The following ATM variants were observed in gnomAD, a reference collection of about 807,000 sequenced individuals.
ATM encodes serine-protein kinase ATM.
ATM carries 308 observed loss-of-function variants against 387.0 expected under a neutral mutation model. That is an observed-to-expected ratio of 0.80 (90% CI 0.73 to 0.87). ATM has a LOEUF of 0.87. ATM is among the 40% of genes least tolerant of loss of function. The pLI is 0.00. For synonymous variants in ATM, 1,156 were observed against 1,187.3 expected, an observed-to-expected ratio of 0.97 and a Z score of 0.54; for missense variants, 3,312 against 3,560.9, an observed-to-expected ratio of 0.93 and a Z score of 1.78.
intron 22 of ATM, among the ~76,000 whole-genome samples, chr11:108,273,363 T>G (rs28688500): frequency 7.0e-6 from 1 of 142,914 alleles, no homozygotes; most frequent in Non-Finnish European, 1.5e-5. Flanking sequence ...TTTTTTGAGA[T>G]GGAGTTTCGC....
rs761333794 is a variant in ATM at position 108,271,298 on chromosome 11, T to C, written c.2969T>C (p.Ile990Thr). 1 of 1,613,942 alleles carries C rather than the reference T, an allele frequency of 6.2e-7. No homozygotes were observed. Among genetic ancestry groups the C allele is most frequent in the South Asian group, 1.1e-5 (1 of 91,084 alleles). Residue 990 changes from isoleucine to threonine, a missense_variant, in exon 20 of 63, where the codon ATT becomes ACT. Physicochemically the swap from Ile to Thr is moderately conservative, Grantham distance 89. Coordinates refer to ENST00000675843, the MANE Select transcript of ATM (RefSeq NM_000051.4). Reference sequence around the variant, plus strand: ...CGTGACCAAGATGTTTGTAAAACTATTTTAAACCATGTCCTTCATGTAGTG... The same window carrying C: ...CGTGACCAAGATGTTTGTAAAACTACTTTAAACCATGTCCTTCATGTAGTG... ...YRRDQDVCKT[I>T]LNHVLHVVKN...
chr11:108,227,511 T>C, intron 1 of ATM, 84 bp from the exon 2 acceptor site: 1 of 842,062 alleles, frequency 1.2e-6, no homozygotes, highest in Non-Finnish European at 2.0e-6. Flanking sequence ...AAAATAATTA[T>C]ATACACATTT....
intron 18 of ATM, 122 bp from the exon 19 acceptor site, chr11:108,270,942 C>A: frequency 1.3e-6 from 1 of 788,272 alleles, no homozygotes; most frequent in Non-Finnish European, 2.2e-6. Context: ...GATCTGCCTG[C>A]TTCAGCCTCC....
At chr11:108,259,654 C>T (rs528333793) in intron 16 of ATM, among the ~76,000 whole-genome samples, 2 of 152,204 alleles carry the variant, frequency 1.3e-5, no homozygotes, top group African/African-American at 2.4e-5. Context: ...CATCCAGGCT[C>T]ACAGCTATAT....
intron 22 of ATM, 40 bp from the exon 23 acceptor site, chr11:108,279,451 A>G (rs1467989379): frequency 7.0e-7 from 1 of 1,423,404 alleles, no homozygotes; most frequent in Non-Finnish European, 9.7e-7. Flanking sequence ...TTAGAAAATT[A>G]TTTCACTTTT....
chr11:108,359,961 G>A (rs2090505287), intron 61 of ATM, among the ~76,000 whole-genome samples: 1 of 151,812 alleles, frequency 6.6e-6, no homozygotes, highest in South Asian at 2.1e-4. Flanking sequence ...CAGAACTGAA[G>A]GAAATAGAGA....
intron 34 of ATM, among the ~76,000 whole-genome samples, chr11:108,301,065 G>A (rs1029485961): frequency 6.6e-6 from 1 of 151,782 alleles, no homozygotes; most frequent in Non-Finnish European, 1.5e-5. Context: ...CACTCAGCCA[G>A]TTCATCTCAT....
In ATM at chr11:108,330,373, C is replaced by T. The variant is rs767846264; in HGVS notation, c.7467C>T (p.Ser2489=). 2 of 1,614,112 alleles carry T rather than the reference C, an allele frequency of 1.2e-6. No homozygotes were observed. The highest frequency in any genetic ancestry group is 4.5e-5 in the East Asian group (2 of 44,876). The change falls in exon 50 of 63, where the codon TCC becomes TCT. Residue 2489 remains serine, a synonymous_variant. Coordinates refer to ENST00000675843, the MANE Select transcript of ATM (RefSeq NM_000051.4). ...EHDMWVFRLC[S]LWLENSGVSE... is the part of the protein sequence containing the mutation. The stretch of plus-strand genomic sequence containing the variant: ...ATATGTGGGTATTCCGACTTTGTTC[C>T]CTCTGGCTTGAAAATTCTGGAGTTT...
rs913977745 is a variant in ATM, at chr11:108,347,820, A to G, written c.8671+455A>G. Among the ~76,000 whole-genome samples the G allele has an allele frequency of 2.0e-5, 3 of 152,282 alleles. No homozygotes were observed. In the East Asian group the frequency reaches 5.8e-4, roughly 29 times the overall value. Reference sequence around the variant, plus strand: ...TAAGGAGTTTCAACTTCATTGCATTAAACTATAGGAAATAAATGAAGGACA... The same window carrying G: ...TAAGGAGTTTCAACTTCATTGCATTGAACTATAGGAAATAAATGAAGGACA... On this transcript the variant is annotated intron_variant, in intron 59 of 62. Coordinates refer to ENST00000675843, the MANE Select transcript of ATM (RefSeq NM_000051.4).
chr11:108,347,697 T>C (rs2088626561), intron 59 of ATM, among the ~76,000 whole-genome samples: 1 of 152,058 alleles, frequency 6.6e-6, no homozygotes, highest in East Asian at 1.9e-4. Context: ...TGTAGCATGT[T>C]GTGGGAGTGG....
In ATM at chr11:108,335,640, C is replaced by T. The variant is rs1033484669; in HGVS notation, c.8152-205C>T. On this transcript the variant is annotated intron_variant, in intron 55 of 62. Transcript: ENST00000675843. Reference sequence around the variant, plus strand: ...CCAGTTAATCTAATTACAGAAGTAGCGAGGGGAAACTTTCTAAATCAGTGT... The same window carrying T: ...CCAGTTAATCTAATTACAGAAGTAGTGAGGGGAAACTTTCTAAATCAGTGT... Among the ~76,000 whole-genome samples, 4 of 151,898 alleles carry T rather than the reference C, an allele frequency of 2.6e-5. 1 individual carries two copies. The highest frequency in any genetic ancestry group is 4.2e-4 in the South Asian group (2 of 4,816).
chr11:108,293,183 T>C (rs2082901814), intron 30 of ATM, 130 bp from the exon 31 acceptor site: 1 of 652,070 alleles, frequency 1.5e-6, no homozygotes. Context: ...AAGCTGGGTA[T>C]CTTAGACGTA....
At chr11:108,361,911 C>T (rs1282319688) in intron 61 of ATM, among the ~76,000 whole-genome samples, 1 of 148,172 alleles carries the variant, frequency 6.7e-6, no homozygotes, top group Non-Finnish European at 1.5e-5. Context: ...GTCCAAAACA[C>T]CAAAAGCAAT....
chr11:108,315,206 C>T (rs769960923), intron 40 of ATM, among the ~76,000 whole-genome samples: 1 of 152,216 alleles, frequency 6.6e-6, no homozygotes, highest in Non-Finnish European at 1.5e-5. Flanking sequence ...ATACTCACAA[C>T]ACAATAATGC....
rs958588562 is a variant in ATM at position 108,268,714 on chromosome 11, A to G, written c.2838+105A>G. The G allele has an allele frequency of 2.1e-5, 27 of 1,305,424 alleles. No individual in the cohort carries two copies. In the African/African-American group the frequency reaches 3.5e-4, roughly 17 times the overall value. The allele number at this position is 1,305,424 out of a possible 1,614,324, so 80.9% of individuals were successfully genotyped here. A position where few individuals can be genotyped will look rare whatever the true frequency, so the allele number is the denominator to read the frequency against. On this transcript the variant is annotated intron_variant, in intron 18 of 62. Transcript: ENST00000675843. Reference sequence around the variant, plus strand: ...CACATGGTGTCTTTGAAGAATTGAAATTGCTTTCTTGAGAAATGAACCTGA... The same window carrying G: ...CACATGGTGTCTTTGAAGAATTGAAGTTGCTTTCTTGAGAAATGAACCTGA...
chr11:108,365,005 G>A (rs2137857992), intron 61 of ATM, 77 bp from the exon 62 acceptor site: 12 of 1,530,374 alleles, frequency 7.8e-6, no homozygotes, highest in Non-Finnish European at 1.1e-5. Context: ...TTATTTGTAT[G>A]ATACTGGTTC....
rs773994431 is a variant in ATM, at chr11:108,365,090, A to G, written c.8859A>G (p.Leu2953=). 5 of 1,613,986 alleles carry G rather than the reference A, an allele frequency of 3.1e-6. No homozygotes were observed. Among genetic ancestry groups the G allele is most frequent in the East Asian group, 2.2e-5 (1 of 44,896 alleles). The change falls in exon 62 of 63, where the codon CTA becomes CTG. Residue 2953 remains leucine (L), a synonymous_variant. Transcript: ENST00000675843. ...ATGTTCTCTCTGTTTAGGTCCTTCT[A>G]TATGATCCACTCTTTGACTGGACCA... is the stretch of plus-strand genomic sequence containing the variant. ...ETLLTIVEVL[L]YDPLFDWTMN... is the part of the protein sequence containing the mutation.
At chr11:108,291,836 C>T (rs1471990578) in intron 29 of ATM, among the ~76,000 whole-genome samples, 1 of 152,154 alleles carries the variant, frequency 6.6e-6, no homozygotes, top group African/African-American at 2.4e-5. Context: ...AGCTTAGGGT[C>T]TTCTCTGGTC....
At chr11:108,323,676 A>C (rs1376267463) in intron 45 of ATM, among the ~76,000 whole-genome samples, 1 of 152,220 alleles carries the variant, frequency 6.6e-6, no homozygotes, top group African/African-American at 2.4e-5. Context: ...AATATGTACA[A>C]CTATTATGTA....
Sources: allele counts gnomAD v4.1 joint callset (sites outside exome capture counted in the v4.1 genomes callset), GRCh38; gene constraint gnomAD v4.1.1; transcripts MANE v1.5; gene names NCBI Gene and HGNC (gene_info 2026-07-23, HGNC 2026-07-21).